The following SLCO5A1 variants were observed in gnomAD, a reference collection of about 807,000 sequenced individuals.
The protein encoded by SLCO5A1 is solute carrier organic anion transporter family member 5A1, also known as organic anion transporter polypeptide-related protein 4.
SLCO5A1 carries 39 observed loss-of-function variants against 65.1 expected under a neutral mutation model. That is an observed-to-expected ratio of 0.60 (90% CI 0.46 to 0.78). The LOEUF (loss-of-function observed/expected upper bound fraction) is 0.78. Ranked by LOEUF, SLCO5A1 falls within the 30% of genes least tolerant of loss-of-function variation. SLCO5A1 has a pLI of 0.00. For missense variants in SLCO5A1, 1,029 were observed against 1,069.4 expected (o/e 0.96, Z 0.53); for synonymous variants, 438 against 415.7 (o/e 1.05, Z -0.65).
chr8:69,717,244 C>T (rs866123241), intron 5 of SLCO5A1, among the ~76,000 whole-genome samples: 3 of 152,242 alleles, frequency 2.0e-5, no homozygotes, highest in Middle Eastern at 3.4e-3. Context: ...TACATTAAGG[C>T]TTTCGATTTA....
chr8:69,735,369 C>T (rs1586740436), intron 5 of SLCO5A1, among the ~76,000 whole-genome samples: 1 of 152,106 alleles, frequency 6.6e-6, no homozygotes, highest in South Asian at 2.1e-4. Flanking sequence ...TGCGTGCACA[C>T]GTATGTTCAT....
intron 2 of SLCO5A1, among the ~76,000 whole-genome samples, chr8:69,812,111 C>T (rs1428633315): frequency 6.6e-6 from 1 of 152,152 alleles, no homozygotes; most frequent in Non-Finnish European, 1.5e-5. Context: ...CTGGAGGTCA[C>T]GAAGCTCACA....
At position 69,738,087 on chromosome 8, in the gene SLCO5A1, A is replaced by T; in HGVS notation, c.1376T>A (p.Ile459Asn). Residue 459 changes from isoleucine to asparagine, a missense_variant, in exon 5 of 10, where the codon ATC becomes AAC. Physicochemically the swap from Ile to Asn is moderately radical, Grantham distance 149. Transcript: ENST00000260126. The stretch of plus-strand genomic sequence containing the variant: ...GGCTGGGATACCAAACTGTGACTCG[A>T]TGAACTTGGGAATGAAGGTAATGAA... ...TAFITFIPKF[I>N]ESQFGIPASN... 1 of 1,613,896 alleles carries T rather than the reference A, an allele frequency of 6.2e-7. No individual in the cohort carries two copies. The highest frequency in any genetic ancestry group is 8.5e-7 in the Non-Finnish European group (1 of 1,179,854).
At chr8:69,711,296 CCG>C (rs1328314724) in intron 5 of SLCO5A1, among the ~76,000 whole-genome samples, 1 of 152,166 alleles carries the variant, frequency 6.6e-6, no homozygotes, top group Admixed American at 6.5e-5. Context: ...AGTCAGCTCG[CCG>C]CTCCGTTGCG....
rs1301597903 is a variant in SLCO5A1, at chr8:69,784,946, GAAA to G, written c.908-23074_908-23072del. Among the ~76,000 whole-genome samples the G allele has an allele frequency of 1.2e-3, 149 of 122,650 alleles. 1 individual carries two copies. Among genetic ancestry groups the G allele is most frequent in the African/African-American group, 4.3e-3 (137 of 31,698 alleles). 80.5% of individuals were successfully genotyped at this position (122,650 alleles called of 152,430 possible). ...AGAAAGAAAGAAAGAAAGAAAGAAA[GAAA>G]GAAGAAAGGAAGGAAGAAAGAAAGA... On this transcript the variant is annotated intron_variant, in intron 2 of 9. Transcript: ENST00000260126.
intron 6 of SLCO5A1, among the ~76,000 whole-genome samples, chr8:69,694,909 A>T (rs1814433107): frequency 1.3e-5 from 2 of 152,176 alleles, no homozygotes; most frequent in African/African-American, 4.8e-5. Context: ...GTGTACTGTA[A>T]TTCATGGATT....
At chr8:69,755,031 C>T (rs1305692307) in intron 4 of SLCO5A1, among the ~76,000 whole-genome samples, 1 of 152,134 alleles carries the variant, frequency 6.6e-6, no homozygotes, top group East Asian at 1.9e-4. Flanking sequence ...AATCAGACAT[C>T]TCTAATTATA....
chr8:69,773,027 G>C, intron 2 of SLCO5A1: 5 of 922,448 alleles, frequency 5.4e-6, no homozygotes, highest in Non-Finnish European at 6.5e-6. Flanking sequence ...GGACAGAGAA[G>C]GCTTCATGGA....
At chr8:69,719,840 G>A (rs1488587234) in intron 5 of SLCO5A1, 1 of 152,214 alleles carries the variant, frequency 6.6e-6, no homozygotes, top group Non-Finnish European at 1.5e-5. Context: ...GCTTCACGTA[G>A]TGCCCGCCTC....
intron 2 of SLCO5A1, among the ~76,000 whole-genome samples, chr8:69,765,427 C>T (rs917471163): frequency 5.9e-5 from 9 of 151,788 alleles, no homozygotes; most frequent in East Asian, 1.9e-4. Context: ...CACAGAGGCA[C>T]ATATACATAT....
intron 4 of SLCO5A1, among the ~76,000 whole-genome samples, chr8:69,740,461 G>A (rs1816746801): frequency 6.6e-6 from 1 of 152,194 alleles, no homozygotes; most frequent in South Asian, 2.1e-4. Flanking sequence ...TCATGGTTCA[G>A]ATAGACAGAT....
chr8:69,826,471 G>A (rs1300985876), intron 2 of SLCO5A1, among the ~76,000 whole-genome samples: 1 of 152,064 alleles, frequency 6.6e-6, no homozygotes, highest in Non-Finnish European at 1.5e-5. Flanking sequence ...GTGGGCAAAG[G>A]ATATGAACAG....
At chr8:69,748,735 T>C (rs1817147637) in intron 4 of SLCO5A1, among the ~76,000 whole-genome samples, 1 of 152,220 alleles carries the variant, frequency 6.6e-6, no homozygotes, top group African/African-American at 2.4e-5. Context: ...GCTGTGGTTT[T>C]CACAGTGCAG....
intron 5 of SLCO5A1, among the ~76,000 whole-genome samples, chr8:69,723,127 T>C (rs1406975486): frequency 3.3e-5 from 5 of 152,304 alleles, no homozygotes; most frequent in African/African-American, 1.2e-4. Flanking sequence ...GAAGTATTTG[T>C]AAAGATGTAT....
chr8:69,708,678 C>A (rs374491963), intron 5 of SLCO5A1, among the ~76,000 whole-genome samples: 21 of 151,934 alleles, frequency 1.4e-4, no homozygotes, highest in African/African-American at 5.1e-4. Flanking sequence ...CCGAGGCGGG[C>A]AGATCATTTG....
At chr8:69,826,520 A>T (rs953812719) in intron 2 of SLCO5A1, among the ~76,000 whole-genome samples, 39 of 152,246 alleles carry the variant, frequency 2.6e-4, no homozygotes, top group Admixed American at 1.3e-4. Flanking sequence ...GCCAAAAAAC[A>T]CACGAAAAAA....
chr8:69,763,943 C>A (rs1258065834), intron 2 of SLCO5A1, among the ~76,000 whole-genome samples: 1 of 152,106 alleles, frequency 6.6e-6, no homozygotes, highest in Non-Finnish European at 1.5e-5. Context: ...TGGCTCACTG[C>A]AACCTCTGCT....
intron 4 of SLCO5A1, among the ~76,000 whole-genome samples, chr8:69,747,020 A>C (rs1470064899): frequency 6.6e-6 from 1 of 152,134 alleles, no homozygotes; most frequent in Non-Finnish European, 1.5e-5. Flanking sequence ...CTTATAGCCC[A>C]CAGCCTGTGG....
At position 69,832,146 on chromosome 8, in the gene SLCO5A1, G is replaced by A. The variant is rs1821183321; in HGVS notation, c.528C>T (p.Ile176=). The part of the protein sequence containing the change: ...ESGLLVSCFD[I]GNLVVVVFVS... ...CGAACACCACCACCACCAGGTTCCC[G>A]ATGTCAAAGCAGCTGACCAGCAGCC... Residue 176 remains isoleucine, a synonymous_variant, in exon 2 of 10, where the codon ATC becomes ATT. Transcript: ENST00000260126. This position sits in a 1 kb window ranked among gnomAD's most constrained non-coding sequence, Gnocchi z 4.5. 3 of 1,614,066 alleles carry A rather than the reference G, an allele frequency of 1.9e-6. No homozygotes were observed. The highest frequency in any genetic ancestry group is 2.5e-6 in the Non-Finnish European group (3 of 1,180,046).
Sources: allele counts gnomAD v4.1 joint callset (sites outside exome capture counted in the v4.1 genomes callset), GRCh38; gene constraint gnomAD v4.1.1; non-coding constraint Gnocchi (gnomAD v3.1); transcripts MANE v1.5; gene names NCBI Gene and HGNC (gene_info 2026-07-23, HGNC 2026-07-21).